SH3GL2: variants seen among roughly 807,000 people sequenced by gnomAD.
The protein encoded by SH3GL2 is endophilin-A1.
A neutral mutation model predicts 46.0 loss-of-function variants in SH3GL2; 24 were observed. The ratio of observed to expected loss-of-function variants is 0.52; its 90% CI spans 0.38 to 0.73. SH3GL2 has a LOEUF of 0.73. Among genes scored for constraint, SH3GL2 ranks in the 30% least tolerant of loss-of-function variants. The pLI is 0.00. For synonymous variants in SH3GL2, 196 were observed against 147.1 expected (o/e 1.33, Z -2.40); for missense variants, 413 against 424.2 (o/e 0.97, Z 0.23).
At chr9:17,717,097 C>A (rs1821781542) in intron 1 of SH3GL2, among the ~76,000 whole-genome samples, 1 of 152,056 alleles carries the variant, frequency 6.6e-6, no homozygotes, top group South Asian at 2.1e-4. Context: ...CCAGTGGGAA[C>A]AGCAATATAA....
At chr9:17,782,867 CGCACGCCA>C (rs1338115905) in intron 3 of SH3GL2, among the ~76,000 whole-genome samples, 1 of 152,162 alleles carries the variant, frequency 6.6e-6, no homozygotes, top group Admixed American at 6.6e-5. Flanking sequence ...CCCTCTCTAA[CGCACGCCA>C]GCCTTCATAG....
At chr9:17,665,631 CA>C (rs1820323853) in intron 1 of SH3GL2, among the ~76,000 whole-genome samples, 1 of 152,008 alleles carries the variant, frequency 6.6e-6, no homozygotes, top group South Asian at 2.1e-4. Context: ...AGAGCCCCGT[CA>C]GCTTAAAGAA....
At chr9:17,681,919 G>T (rs554596903) in intron 1 of SH3GL2, among the ~76,000 whole-genome samples, 15 of 152,140 alleles carry the variant, frequency 9.9e-5, no homozygotes, top group African/African-American at 3.6e-4. Context: ...AAGAAGACAT[G>T]TGGCCAACAA....
intron 1 of SH3GL2, among the ~76,000 whole-genome samples, chr9:17,620,549 T>G (rs922690326): frequency 6.6e-6 from 1 of 152,186 alleles, no homozygotes; most frequent in African/African-American, 2.4e-5. Flanking sequence ...AACCACTGAC[T>G]GTGCTAGTTT....
At chr9:17,703,909 C>G (rs1230279988) in intron 1 of SH3GL2, among the ~76,000 whole-genome samples, 3 of 151,998 alleles carry the variant, frequency 2.0e-5, no homozygotes, top group African/African-American at 7.2e-5. Context: ...CCTCTTTCAC[C>G]ACTCCTATTC....
At chr9:17,601,164 G>A (rs1273275922) in intron 1 of SH3GL2, among the ~76,000 whole-genome samples, 1 of 152,108 alleles carries the variant, frequency 6.6e-6, no homozygotes, top group Non-Finnish European at 1.5e-5. Context: ...TGGTGGCTGT[G>A]CCTGACCTGC....
At chr9:17,591,523 A>C (rs1169212342) in intron 1 of SH3GL2, among the ~76,000 whole-genome samples, 1 of 152,182 alleles carries the variant, frequency 6.6e-6, no homozygotes, top group East Asian at 1.9e-4. Context: ...TTGGTGTATT[A>C]AACAAGTCTT....
chr9:17,634,267 C>A (rs1426965318), intron 1 of SH3GL2, among the ~76,000 whole-genome samples: 1 of 152,170 alleles, frequency 6.6e-6, no homozygotes, highest in African/African-American at 2.4e-5. Context: ...TATGATACAT[C>A]TTCTTGGGTA....
Position 17,794,254 on chromosome 9 carries a change from TG to T in SH3GL2, c.859+760del, listed in dbSNP as rs370191334. Among the ~76,000 whole-genome samples the T allele has an allele frequency of 6.8e-4, 104 of 152,340 alleles. 1 individual carries two copies. Among genetic ancestry groups the T allele is most frequent in the African/African-American group, 2.4e-3 (101 of 41,580 alleles). Reference sequence around the variant, plus strand: ...AACCTCCACATTTGCTTGTTTGAAGTGGGAACTGTCTTATACTGGATGTGGA... The same window carrying T: ...AACCTCCACATTTGCTTGTTTGAAGTGGAACTGTCTTATACTGGATGTGGA... On this transcript the variant is annotated intron_variant, in intron 8 of 8. Coordinates refer to ENST00000380607, the MANE Select transcript of SH3GL2 (RefSeq NM_003026.5).
intron 2 of SH3GL2, among the ~76,000 whole-genome samples, chr9:17,757,776 A>C (rs1251794052): frequency 6.6e-6 from 1 of 152,226 alleles, no homozygotes; most frequent in Non-Finnish European, 1.5e-5. Flanking sequence ...ATAATAAGTT[A>C]CTTAAGTGGA....
intron 1 of SH3GL2, among the ~76,000 whole-genome samples, chr9:17,689,597 C>T (rs923700536): frequency 1.3e-5 from 2 of 151,774 alleles, no homozygotes; most frequent in Non-Finnish European, 2.9e-5. Flanking sequence ...ATGTCTTAGC[C>T]CCTCCTCCTT....
At chr9:17,583,403 A>G (rs1588155269) in intron 1 of SH3GL2, among the ~76,000 whole-genome samples, 1 of 152,124 alleles carries the variant, frequency 6.6e-6, no homozygotes, top group Non-Finnish European at 1.5e-5. Context: ...GTGCTCTCTT[A>G]AAAGAAGTTG....
intron 1 of SH3GL2, among the ~76,000 whole-genome samples, chr9:17,678,318 A>T (rs963504453): frequency 1.3e-5 from 2 of 152,110 alleles, no homozygotes; most frequent in African/African-American, 4.8e-5. Flanking sequence ...CTTTTTAATG[A>T]TCGCCATTGT....
rs781339609 is a variant in SH3GL2, at chr9:17,796,299, A to C, written c.*556A>C. On this transcript the variant is annotated 3_prime_UTR_variant, in exon 9 of 9. Transcript: ENST00000380607. ...ATTGTGGGTTCAAAGCATTCTCTGCAAATAGGCATCTCAGCTCCTCACACT... is the reference window on the plus strand; with the variant it reads ...ATTGTGGGTTCAAAGCATTCTCTGCCAATAGGCATCTCAGCTCCTCACACT... The C allele has an allele frequency of 6.5e-6, 1 of 152,898 alleles. No homozygotes were observed. The highest frequency in any genetic ancestry group is 1.5e-5 in the Non-Finnish European group (1 of 68,236). The allele number at this position is 152,898 out of a possible 1,614,324, so 9.5% of individuals were successfully genotyped here.
chr9:17,591,614 G>A (rs953014338), intron 1 of SH3GL2, among the ~76,000 whole-genome samples: 3 of 152,184 alleles, frequency 2.0e-5, no homozygotes, highest in African/African-American at 7.2e-5. Flanking sequence ...ATTAGGACCA[G>A]TTTTACTTGT....
At chr9:17,640,208 A>T (rs1415667475) in intron 1 of SH3GL2, among the ~76,000 whole-genome samples, 1 of 152,100 alleles carries the variant, frequency 6.6e-6, no homozygotes, top group African/African-American at 2.4e-5. Flanking sequence ...AGTCTCTGCC[A>T]GTTTATCTTA....
chr9:17,700,153 G>A (rs1444023623), intron 1 of SH3GL2, among the ~76,000 whole-genome samples: 1 of 152,150 alleles, frequency 6.6e-6, no homozygotes, highest in Non-Finnish European at 1.5e-5. Flanking sequence ...CTGGTATTCA[G>A]GATCCATCTG....
intron 1 of SH3GL2, among the ~76,000 whole-genome samples, chr9:17,724,205 C>T (rs767616653): frequency 6.6e-6 from 1 of 152,100 alleles, no homozygotes; most frequent in Non-Finnish European, 1.5e-5. Flanking sequence ...ATCATCTCAT[C>T]TGCCTTCATG....
At chr9:17,733,443 T>G (rs1287955808) in intron 1 of SH3GL2, among the ~76,000 whole-genome samples, 1 of 151,904 alleles carries the variant, frequency 6.6e-6, no homozygotes, top group Non-Finnish European at 1.5e-5. Flanking sequence ...CCAGTTAGAA[T>G]GGCAATCATT....
Sources: gnomAD v4.1 joint callset for allele counts (sites outside exome capture counted in the v4.1 genomes callset) on GRCh38, gnomAD v4.1.1 for gene constraint, MANE v1.5 for transcripts, NCBI Gene and HGNC (gene_info 2026-07-23, HGNC 2026-07-21) for gene names.